Variants in PCDH15 observed in about 807,000 individuals in gnomAD.
PCDH15 encodes the protein protocadherin related 15.
In PCDH15, 129 loss-of-function variants were observed where a neutral mutation model predicts 178.5. The ratio of observed to expected loss-of-function variants is 0.72; its 90% CI spans 0.63 to 0.84. The LOEUF (loss-of-function observed/expected upper bound fraction) is 0.84. Among genes scored for constraint, PCDH15 ranks in the 40% least tolerant of loss-of-function variants. The pLI is 0.00. For missense variants in PCDH15, 2,230 were observed against 2,099.9 expected (o/e 1.06, Z -1.21); for synonymous variants, 800 against 732.0 (o/e 1.09, Z -1.50).
intron 1 of PCDH15, among the ~76,000 whole-genome samples, chr10:55,231,304 C>A (rs1447306976): frequency 6.6e-6 from 1 of 151,858 alleles, no homozygotes; most frequent in Non-Finnish European, 1.5e-5. Context: ...AGAATAAAAC[C>A]AATGTAATTC....
intron 3 of PCDH15, among the ~76,000 whole-genome samples, chr10:54,827,661 C>T (rs1953154045): frequency 6.6e-6 from 1 of 152,054 alleles, no homozygotes; most frequent in Non-Finnish European, 1.5e-5. Flanking sequence ...AAAACAACTG[C>T]ATCTTATTAA....
chr10:55,595,457 A>G (rs1486171298), intron 2 of PCDH15, among the ~76,000 whole-genome samples: 1 of 152,074 alleles, frequency 6.6e-6, no homozygotes, highest in Non-Finnish European at 1.5e-5. Context: ...GAAACTGGAA[A>G]ACTGTTTAAG....
intron 3 of PCDH15, among the ~76,000 whole-genome samples, chr10:54,484,642 C>G (rs1009188114): frequency 6.8e-6 from 1 of 146,342 alleles, no homozygotes. Flanking sequence ...TAAAATCGAT[C>G]CCCGCTCATC....
chr10:55,438,160 T>C (rs1333680206), intron 2 of PCDH15, among the ~76,000 whole-genome samples: 1 of 150,886 alleles, frequency 6.6e-6, no homozygotes, highest in East Asian at 2.0e-4. Context: ...TAAGTGACTA[T>C]ATTTAAGAAA....
chr10:54,243,456 G>A (rs1468857584), intron 8 of PCDH15, among the ~76,000 whole-genome samples: 3 of 152,144 alleles, frequency 2.0e-5, no homozygotes, highest in African/African-American at 7.2e-5. Flanking sequence ...GCAGTGAGCA[G>A]AGTTTGTGCC....
At chr10:54,123,708 G>A (rs548148557) in intron 15 of PCDH15, among the ~76,000 whole-genome samples, 2 of 152,184 alleles carry the variant, frequency 1.3e-5, no homozygotes, top group Admixed American at 1.3e-4. Flanking sequence ...GCACTTGTAT[G>A]CTCACAGCAG....
chr10:54,515,372 G>C (rs1221552086), intron 3 of PCDH15, among the ~76,000 whole-genome samples: 1 of 152,220 alleles, frequency 6.6e-6, no homozygotes, highest in Admixed American at 6.5e-5. Context: ...GAGTCTCGCT[G>C]ATTGCTAGCA....
chr10:54,906,492 T>C (rs1464656806), intron 2 of PCDH15, among the ~76,000 whole-genome samples: 1 of 152,134 alleles, frequency 6.6e-6, no homozygotes, highest in Non-Finnish European at 1.5e-5. Flanking sequence ...TGATTTTAAA[T>C]TTTATTTTGT....
intron 2 of PCDH15, among the ~76,000 whole-genome samples, chr10:55,437,540 G>A (rs1839070978): frequency 6.6e-6 from 1 of 152,078 alleles, no homozygotes; most frequent in Admixed American, 6.5e-5. Context: ...AAGAAAAAAT[G>A]GCCCTATTTA....
intron 3 of PCDH15, among the ~76,000 whole-genome samples, chr10:54,384,080 C>T (rs56250413): frequency 0.053 from 8,010 of 151,180 alleles, 725 homozygotes; most frequent in African/African-American, 0.19. Flanking sequence ...GTGATCCATC[C>T]GCCTCGGCCT....
intron 2 of PCDH15, among the ~76,000 whole-genome samples, chr10:54,610,521 T>C (rs2092926612): frequency 6.6e-6 from 1 of 151,906 alleles, no homozygotes; most frequent in South Asian, 2.1e-4. Context: ...CTGTGTTGAT[T>C]CAAAAATCTA....
rs959442982 is a variant in PCDH15, at chr10:53,971,278, T to C, written c.2869-9386A>G. Among the ~76,000 whole-genome samples the C allele has an allele frequency of 7.9e-5, 12 of 152,130 alleles. No homozygotes were observed. In the East Asian group the frequency reaches 2.3e-3, roughly 29 times the overall value. ...ACTCTCAATAAACTAGGTATTGATG[T>C]AACCTATCTTAAAATAATAAGAGTT... On this transcript the variant is annotated intron_variant, in intron 21 of 37. Coordinates refer to ENST00000644397, the MANE Select transcript of PCDH15 (RefSeq NM_001384140.1).
chr10:54,853,855 G>A (rs989459490), intron 3 of PCDH15, among the ~76,000 whole-genome samples: 1 of 152,124 alleles, frequency 6.6e-6, no homozygotes, highest in Non-Finnish European at 1.5e-5. Context: ...GGCAGCAAAT[G>A]TTTATGCCAC....
chr10:53,866,241 A>G (rs35911698), intron 27 of PCDH15, among the ~76,000 whole-genome samples: 6,694 of 152,120 alleles, frequency 0.044, 223 homozygotes, highest in Middle Eastern at 0.13. Context: ...TAAACAAATA[A>G]TTTCATAGTT....
At chr10:54,922,015 G>T (rs1002214121) in intron 2 of PCDH15, among the ~76,000 whole-genome samples, 1 of 152,146 alleles carries the variant, frequency 6.6e-6, no homozygotes, top group East Asian at 1.9e-4. Flanking sequence ...TGAGCAAGAA[G>T]AAAATCCTAA....
chr10:55,413,920 CA>C (rs1838411475), intron 2 of PCDH15, among the ~76,000 whole-genome samples: 1 of 151,186 alleles, frequency 6.6e-6, no homozygotes. Context: ...TATATGCAGT[CA>C]AAAATAACCA....
At chr10:54,945,087 A>G (rs1838160640) in intron 2 of PCDH15, among the ~76,000 whole-genome samples, 1 of 151,910 alleles carries the variant, frequency 6.6e-6, no homozygotes, top group Non-Finnish European at 1.5e-5. Context: ...ATTTTGCATC[A>G]GTGGAATTTT....
In PCDH15 at chr10:54,705,092, T is replaced by C. The variant is rs557969526; in HGVS notation, c.-28-40802A>G. On this transcript the variant is annotated intron_variant, in intron 1 of 37. Coordinates refer to ENST00000644397, the MANE Select transcript of PCDH15 (RefSeq NM_001384140.1). ...GGAACAGAAAACCAAACACTGCATGTTCTCACTTATAAGTAGGAGCTAAAC... is the reference window on the plus strand; with the variant it reads ...GGAACAGAAAACCAAACACTGCATGCTCTCACTTATAAGTAGGAGCTAAAC... 1.0e-3 allele frequency among the ~76,000 whole-genome samples: 154 copies of C among 152,226 alleles called. 1 individual carries two copies. The highest frequency in any genetic ancestry group is 3.6e-3 in the African/African-American group (149 of 41,548).
intron 2 of PCDH15, among the ~76,000 whole-genome samples, chr10:55,077,827 G>A (rs529961518): frequency 7.8e-4 from 119 of 152,252 alleles, no homozygotes; most frequent in African/African-American, 2.5e-3. Flanking sequence ...GATTACAGGC[G>A]TGAGCCACCG....
Sources: gnomAD v4.1 joint callset for allele counts (sites outside exome capture counted in the v4.1 genomes callset) on GRCh38, gnomAD v4.1.1 for gene constraint, MANE v1.5 for transcripts, NCBI Gene and HGNC (gene_info 2026-07-23, HGNC 2026-07-21) for gene names.